Variants in NELL2 observed in about 807,000 individuals in gnomAD.
The protein encoded by NELL2 is neural EGFL like 2, also known as protein kinase C-binding protein NELL2.
In NELL2, 41 loss-of-function variants were observed where a neutral mutation model predicts 109.6. The ratio of observed to expected loss-of-function variants is 0.37; its 90% CI spans 0.29 to 0.49. NELL2 has a LOEUF of 0.49. NELL2 is among the 20% of genes least tolerant of loss of function. NELL2 has a pLI of 0.98. For synonymous variants in NELL2, 355 were observed against 344.7 expected, an observed-to-expected ratio of 1.03 and a Z score of -0.33; for missense variants, 900 against 1,008.3, an observed-to-expected ratio of 0.89 and a Z score of 1.45.
intron 2 of NELL2, among the ~76,000 whole-genome samples, chr12:44,874,701 G>A (rs1462428376): frequency 6.6e-6 from 1 of 152,096 alleles, no homozygotes; most frequent in African/African-American, 2.4e-5. Context: ...GAAGAATGAG[G>A]GTCTTTCAAA....
chr12:44,694,283 T>C (rs944290785), intron 12 of NELL2, among the ~76,000 whole-genome samples: 1 of 152,134 alleles, frequency 6.6e-6, no homozygotes, highest in Non-Finnish European at 1.5e-5. Context: ...GGAAATTTCA[T>C]CTGCCTGAGT....
At chr12:44,897,321 C>G (rs570317452) in intron 1 of NELL2, among the ~76,000 whole-genome samples, 11 of 152,150 alleles carry the variant, frequency 7.2e-5, no homozygotes, top group Non-Finnish European at 1.3e-4. Flanking sequence ...ATCTTGGACT[C>G]CCCCGTAAGA....
intron 15 of NELL2, among the ~76,000 whole-genome samples, chr12:44,554,358 G>A (rs1385706074): frequency 6.6e-6 from 1 of 151,980 alleles, no homozygotes; most frequent in Non-Finnish European, 1.5e-5. Flanking sequence ...AAACAATACA[G>A]TACATACTAT....
chr12:44,821,752 CTG>C (rs1943549946), intron 2 of NELL2, among the ~76,000 whole-genome samples: 1 of 151,592 alleles, frequency 6.6e-6, no homozygotes, highest in Admixed American at 6.6e-5. Flanking sequence ...GAGTCTTGCT[CTG>C]TTGCCCAGGC....
At chr12:44,657,402 T>G (rs747360032) in intron 13 of NELL2, among the ~76,000 whole-genome samples, 11 of 152,212 alleles carry the variant, frequency 7.2e-5, no homozygotes, top group Non-Finnish European at 1.3e-4. Context: ...TTCCTCAAAT[T>G]ACCAGCCGTT....
chr12:44,892,691 G>A (rs2658981), intron 1 of NELL2, among the ~76,000 whole-genome samples: 3,407 of 151,348 alleles, frequency 0.023, 143 homozygotes, highest in African/African-American at 0.078. Flanking sequence ...CCAGCTACTC[G>A]GGAGGCTGAG....
At chr12:44,606,548 T>C (rs12818786) in intron 15 of NELL2, among the ~76,000 whole-genome samples, 15,675 of 152,184 alleles carry the variant, frequency 0.1, 951 homozygotes, top group East Asian at 0.2. Flanking sequence ...GTGTTTTTCA[T>C]TGGACAACGT....
At chr12:44,552,764 C>T (rs2136168398) in intron 15 of NELL2, among the ~76,000 whole-genome samples, 1 of 152,216 alleles carries the variant, frequency 6.6e-6, no homozygotes, top group East Asian at 1.9e-4. Flanking sequence ...CAAAGCCCCA[C>T]ATTAATAATA....
chr12:44,913,848 A>G (rs1945805191), exon 1 of NELL2: 2 of 773,686 alleles, frequency 2.6e-6, no homozygotes, highest in Non-Finnish European at 4.0e-6. Flanking sequence ...TTATAATAAT[A>G]ATGTCTAAAA....
At position 44,725,394 on chromosome 12, in the gene NELL2, G is replaced by A. The variant is rs11182620; in HGVS notation, c.995-10653C>T. On this transcript the variant is annotated intron_variant, in intron 9 of 19. Coordinates refer to ENST00000429094, the MANE Select transcript of NELL2 (RefSeq NM_001145108.2). Reference sequence around the variant, plus strand: ...TGCAGAGAAAAGGGAATGATTATACGCTGTTGGTGGGAGTGTAAATTAGTT... The same window carrying A: ...TGCAGAGAAAAGGGAATGATTATACACTGTTGGTGGGAGTGTAAATTAGTT... Among the ~76,000 whole-genome samples, 199 of 152,110 alleles carry A rather than the reference G, an allele frequency of 1.3e-3. 3 individuals are homozygous for A. In the East Asian group the frequency reaches 0.03, roughly 23 times the overall value.
At chr12:44,916,689 G>A (rs951940592), upstream of NELL2, among the ~76,000 whole-genome samples, 1 of 152,114 alleles carries the variant, frequency 6.6e-6, no homozygotes, top group Admixed American at 6.6e-5. Context: ...GAGTATGTAA[G>A]TCAAGAAAAT....
At chr12:44,638,957 A>G (rs1368336068) in intron 13 of NELL2, among the ~76,000 whole-genome samples, 5 of 152,220 alleles carry the variant, frequency 3.3e-5, no homozygotes, top group Middle Eastern at 3.2e-3. Context: ...TTAATAGTAT[A>G]TTTTATTCGA....
Position 44,884,411 on chromosome 12 carries a change from T to C in NELL2, c.39-8511A>G, listed in dbSNP as rs535056301. On this transcript the variant is annotated intron_variant, in intron 1 of 20. Coordinates refer to the NELL2 transcript ENST00000333837. ...CCATTTGGAAACATCTACATTCCTC[T>C]TTCATAATCAATAAAAATCTCTAGT... is the stretch of plus-strand genomic sequence containing the variant. Among the ~76,000 whole-genome samples, 3 of 152,156 alleles carry C rather than the reference T, an allele frequency of 2.0e-5. No homozygotes were observed. The East Asian group carries it at 5.8e-4, about 29-fold the overall frequency.
At chr12:44,694,520 A>AACAC (rs60024794) in intron 12 of NELL2, among the ~76,000 whole-genome samples, 4,740 of 144,324 alleles carry the variant, frequency 0.033, 90 homozygotes, top group African/African-American at 0.045. Flanking sequence ...CACACATACA[A>AACAC]ACACACACAC....
chr12:44,672,466 C>T (rs1948172630), intron 12 of NELL2, among the ~76,000 whole-genome samples: 1 of 152,180 alleles, frequency 6.6e-6, no homozygotes, highest in African/African-American at 2.4e-5. Context: ...GCCCTCACCC[C>T]TGGTTCCGTG....
At position 44,855,640 on chromosome 12, in the gene NELL2, CT is replaced by C. The variant is rs143545508; in HGVS notation, c.184+19584del. ...AAGTACCATAGCATAAATAATCCAACTTAATCTTTATCTGCCTTGGAAATGT... is the reference window on the plus strand; with the variant it reads ...AAGTACCATAGCATAAATAATCCAACTAATCTTTATCTGCCTTGGAAATGT... On this transcript the variant is annotated intron_variant, in intron 2 of 19. Coordinates refer to ENST00000429094, the MANE Select transcript of NELL2 (RefSeq NM_001145108.2). 6.1e-3 allele frequency among the ~76,000 whole-genome samples: 926 copies of C among 152,300 alleles called. 7 individuals are homozygous for C. Among genetic ancestry groups the C allele is most frequent in the African/African-American group, 0.021 (865 of 41,568 alleles).
intron 19 of NELL2, among the ~76,000 whole-genome samples, chr12:44,509,912 C>T (rs980648741): frequency 6.6e-6 from 1 of 151,626 alleles, no homozygotes; most frequent in Admixed American, 6.6e-5. Context: ...GCCAAACGCA[C>T]AGAGGAGAGT....
chr12:44,716,101 A>G (rs942230598), intron 9 of NELL2, among the ~76,000 whole-genome samples: 6 of 152,062 alleles, frequency 3.9e-5, no homozygotes, highest in African/African-American at 1.4e-4. Context: ...TGCCTGGTCT[A>G]TTCTCTTAAT....
intron 2 of NELL2, among the ~76,000 whole-genome samples, chr12:44,824,276 A>G (rs777587972): frequency 6.6e-6 from 1 of 152,112 alleles, no homozygotes; most frequent in African/African-American, 2.4e-5. Flanking sequence ...GTTTGGTGCA[A>G]TCTCATTTGC....
Sources: gnomAD v4.1 joint callset for allele counts (sites outside exome capture counted in the v4.1 genomes callset) on GRCh38, gnomAD v4.1.1 for gene constraint, MANE v1.5 for transcripts, NCBI Gene and HGNC (gene_info 2026-07-23, HGNC 2026-07-21) for gene names.